RRAS2: variants seen among roughly 807,000 people sequenced by gnomAD.
RRAS2 encodes ras-related protein R-Ras2.
Under a neutral mutation model 27.6 loss-of-function variants are expected in RRAS2, and 7 were observed. That is an observed-to-expected ratio of 0.25 (90% CI 0.14 to 0.48). RRAS2 has a LOEUF of 0.48. Among genes scored for constraint, RRAS2 ranks in the 20% least tolerant of loss-of-function variants. RRAS2 has a pLI of 0.99. For synonymous variants in RRAS2, 86 were observed against 90.9 expected (o/e 0.95, Z 0.31); for missense variants, 178 against 256.2 (o/e 0.69, Z 2.08).
At position 14,305,710 on chromosome 11, in the gene RRAS2, G is replaced by A. The variant is rs188020009; in HGVS notation, c.109-9855C>T. Among the ~76,000 whole-genome samples the A allele has an allele frequency of 2.6e-5, 4 of 152,202 alleles. No individual in the cohort carries two copies. In the East Asian group the frequency reaches 5.8e-4, roughly 22 times the overall value. On this transcript the variant is annotated intron_variant, in intron 1 of 5. Transcript: ENST00000256196. ...GACACATTCCCACTAGCAGTGTTTG[G>A]GGGTTCCAATTTTTCAATATCCTCA...
intron 1 of RRAS2, among the ~76,000 whole-genome samples, chr11:14,344,626 C>T (rs1045904218): frequency 1.3e-5 from 2 of 152,174 alleles, no homozygotes; most frequent in African/African-American, 4.8e-5. Flanking sequence ...TCAACCACAT[C>T]GTCATTAACC....
At chr11:14,286,933 T>C (rs1037821599) in intron 4 of RRAS2, among the ~76,000 whole-genome samples, 2 of 152,234 alleles carry the variant, frequency 1.3e-5, no homozygotes, top group Non-Finnish European at 2.9e-5. Context: ...ATTTCTGTTT[T>C]AGGAAAATTT....
At chr11:14,288,348 T>C (rs1253408018) in intron 4 of RRAS2, among the ~76,000 whole-genome samples, 5 of 152,188 alleles carry the variant, frequency 3.3e-5, no homozygotes, top group African/African-American at 1.2e-4. Flanking sequence ...AATTTATACA[T>C]ACATTTCTGG....
chr11:14,313,342 G>C (rs1478985920), intron 1 of RRAS2, among the ~76,000 whole-genome samples: 1 of 152,126 alleles, frequency 6.6e-6, no homozygotes, highest in Non-Finnish European at 1.5e-5. Context: ...ATGTAACTCT[G>C]AATCACATTT....
intron 1 of RRAS2, among the ~76,000 whole-genome samples, chr11:14,323,274 T>G (rs1387402312): frequency 2.0e-5 from 3 of 151,814 alleles, no homozygotes; most frequent in Non-Finnish European, 4.4e-5. Context: ...TAGTGAGACT[T>G]CATCTCTACA....
At chr11:14,318,292 G>A (rs1554949794) in intron 1 of RRAS2, among the ~76,000 whole-genome samples, 1 of 152,010 alleles carries the variant, frequency 6.6e-6, no homozygotes, top group African/African-American at 2.4e-5. Context: ...TGAAGTCAGG[G>A]GTTCAAGACC....
At position 14,359,127 on chromosome 11, in the gene RRAS2, CGCGTCTCCGCA is replaced by C; in HGVS notation, c.-268_-258del. 1 of 1,039,282 alleles carries C rather than the reference CGCGTCTCCGCA, an allele frequency of 9.6e-7. No homozygotes were observed. Among genetic ancestry groups the C allele is most frequent in the Non-Finnish European group, 1.2e-6 (1 of 865,902 alleles). The allele number at this position is 1,039,282 out of a possible 1,614,324, so 64.4% of individuals were successfully genotyped here. The stretch of plus-strand genomic sequence containing the variant: ...AGCGGCCGGGGGGCGCGCTCCTCTA[CGCGTCTCCGCA>C]GCGCCTGCCGAACGCAGCCTCCAGC... On this transcript the variant is annotated 5_prime_UTR_variant, in exon 1 of 6. Coordinates refer to ENST00000256196, the MANE Select transcript of RRAS2 (RefSeq NM_012250.6).
At chr11:14,308,237 TGGATG>T (rs1554948386) in intron 1 of RRAS2, 2 of 439,942 alleles carry the variant, frequency 4.5e-6, no homozygotes, top group South Asian at 3.3e-5. Context: ...CTAGGAGATA[TGGATG>T]GAAGGAAAAC....
rs781814822 is a variant in RRAS2, at chr11:14,294,550, T to A, written c.329A>T (p.Gln110Leu). The change falls in exon 4 of 6, where the codon CAG becomes CTG. Residue 110 changes from glutamine (Q) to leucine (L), a missense_variant. By Grantham distance (113) the Gln-to-Leu change is moderately radical (BLOSUM62 -2). Transcript: ENST00000256196. ...ATCACGATCCTTTACTCTGAGAATC[T>A]GTCTTTGAAACTTATAGATTTCTTC... ...SFEEIYKFQR[Q>L]ILRVKDRDEF... 2 of 1,593,674 alleles carry A rather than the reference T, an allele frequency of 1.3e-6. No individual in the cohort carries two copies. The highest frequency in any genetic ancestry group is 2.3e-5 in the South Asian group (2 of 85,958).
intron 1 of RRAS2, among the ~76,000 whole-genome samples, chr11:14,324,019 T>A (rs1848288514): frequency 1.3e-5 from 2 of 151,220 alleles, no homozygotes; most frequent in South Asian, 2.1e-4. Flanking sequence ...CTTTTTACAG[T>A]GAAACTCATT....
intron 1 of RRAS2, among the ~76,000 whole-genome samples, chr11:14,329,483 G>A (rs911636160): frequency 3.3e-5 from 5 of 152,028 alleles, no homozygotes; most frequent in South Asian, 2.1e-4. Flanking sequence ...TAGACCCCTC[G>A]CATACACAGA....
intron 1 of RRAS2, among the ~76,000 whole-genome samples, chr11:14,345,214 G>A (rs188608656): frequency 6.6e-6 from 1 of 152,130 alleles, no homozygotes; most frequent in East Asian, 1.9e-4. Context: ...TGGAACTCCT[G>A]ACCTCAAGTG....
At chr11:14,292,813 T>C (rs1416214830) in intron 4 of RRAS2, among the ~76,000 whole-genome samples, 1 of 152,048 alleles carries the variant, frequency 6.6e-6, no homozygotes, top group Non-Finnish European at 1.5e-5. Context: ...TAAGATAATA[T>C]ATCATTTTCT....
chr11:14,323,980 TAAAA>T (rs34742487), intron 1 of RRAS2, among the ~76,000 whole-genome samples: 1 of 145,738 alleles, frequency 6.9e-6, no homozygotes, highest in South Asian at 2.1e-4. Flanking sequence ...ACATTTGTCT[TAAAA>T]AAAAAAAAAC....
chr11:14,303,476 C>T (rs1005262038), intron 1 of RRAS2, among the ~76,000 whole-genome samples: 1 of 152,152 alleles, frequency 6.6e-6, no homozygotes, highest in Admixed American at 6.5e-5. Context: ...ACAGTTCATG[C>T]CTGTAATCCC....
chr11:14,327,378 G>A (rs1241881523), intron 1 of RRAS2, among the ~76,000 whole-genome samples: 4 of 152,144 alleles, frequency 2.6e-5, no homozygotes, highest in African/African-American at 9.7e-5. Context: ...GTCTTCTTCA[G>A]AGTTAAGAGG....
At chr11:14,322,380 C>T (rs539050620) in intron 1 of RRAS2, among the ~76,000 whole-genome samples, 7 of 151,562 alleles carry the variant, frequency 4.6e-5, no homozygotes, top group Non-Finnish European at 1.0e-4. Context: ...GTTGAGACTG[C>T]AGTGAGCTGA....
intron 1 of RRAS2, among the ~76,000 whole-genome samples, chr11:14,348,586 G>A (rs1385098163): frequency 3.3e-5 from 5 of 152,056 alleles, no homozygotes; most frequent in African/African-American, 1.2e-4. Flanking sequence ...TAATAAACAA[G>A]TACTGCCTTA....
intron 1 of RRAS2, among the ~76,000 whole-genome samples, chr11:14,330,762 T>G (rs920873745): frequency 6.6e-6 from 1 of 152,200 alleles, no homozygotes; most frequent in East Asian, 1.9e-4. Context: ...ATTAAGGCAA[T>G]GTTTTCACAC....
Sources: allele counts gnomAD v4.1 joint callset (sites outside exome capture counted in the v4.1 genomes callset), GRCh38; gene constraint gnomAD v4.1.1; transcripts MANE v1.5; gene names NCBI Gene and HGNC (gene_info 2026-07-23, HGNC 2026-07-21).